Variants in KDM5A observed in about 807,000 individuals in gnomAD.
The protein encoded by KDM5A is lysine-specific demethylase 5A.
KDM5A carries 42 observed loss-of-function variants against 193.5 expected under a neutral mutation model. The ratio of observed to expected loss-of-function variants is 0.22; its 90% CI spans 0.17 to 0.28. The LOEUF (loss-of-function observed/expected upper bound fraction) is 0.28, where lower values mean the gene tolerates loss of function less well. Among genes scored for constraint, KDM5A ranks in the 10% least tolerant of loss-of-function variants. The probability of loss-of-function intolerance (pLI) is 1.00; values close to 1 mark genes in which losing one functional copy is unlikely to be tolerated. For synonymous variants in KDM5A, 796 were observed against 718.1 expected (o/e 1.11, Z -1.73); for missense variants, 1,692 against 2,055.1 (o/e 0.82, Z 3.42).
intron 3 of KDM5A, 73 bp from the exon 4 acceptor site, chr12:366,177 TA>T: frequency 7.5e-7 from 1 of 1,329,574 alleles, no homozygotes; most frequent in African/African-American, 1.5e-5. Context: ...TCTTGTCTAC[TA>T]AATAGAAAAA....
intron 10 of KDM5A, among the ~76,000 whole-genome samples, chr12:340,655 A>G (rs1286534712): frequency 7.4e-6 from 1 of 135,710 alleles, no homozygotes; most frequent in African/African-American, 2.9e-5. Flanking sequence ...AGATCGTGCC[A>G]CTGCACTCTA....
intron 5 of KDM5A, among the ~76,000 whole-genome samples, chr12:357,275 G>GA (rs1944238976): frequency 6.7e-6 from 1 of 150,334 alleles, no homozygotes; most frequent in African/African-American, 2.5e-5. Flanking sequence ...GCGAGACCCT[G>GA]AATCAATCCA....
intron 10 of KDM5A, among the ~76,000 whole-genome samples, chr12:340,510 A>G (rs1243235837): frequency 1.3e-5 from 2 of 152,074 alleles, no homozygotes; most frequent in Non-Finnish European, 2.9e-5. Context: ...CCTGGCCAAC[A>G]TGGTGAAACC....
At chr12:357,258 C>G (rs1192317866) in intron 5 of KDM5A, among the ~76,000 whole-genome samples, 1 of 151,164 alleles carries the variant, frequency 6.6e-6, no homozygotes. Context: ...CCCTGGGTGA[C>G]AGACAAGCGA....
intron 3 of KDM5A, among the ~76,000 whole-genome samples, chr12:373,380 A>T (rs1944457721): frequency 6.6e-6 from 1 of 151,822 alleles, no homozygotes; most frequent in African/African-American, 2.4e-5. Context: ...TTATTTGCAT[A>T]GAGGTGTTTA....
chr12:294,736 A>G (rs1351596387), intron 26 of KDM5A, among the ~76,000 whole-genome samples: 1 of 152,234 alleles, frequency 6.6e-6, no homozygotes, highest in African/African-American at 2.4e-5. Context: ...ATGAAAAGAA[A>G]AGAGTCAAAT....
In KDM5A at chr12:355,209, G is replaced by A. The variant is rs377672033; in HGVS notation, c.819C>T (p.Asp273=). 86 of 1,612,636 alleles carry A rather than the reference G, an allele frequency of 5.3e-5. No individual in the cohort carries two copies. Among genetic ancestry groups the A allele is most frequent in the South Asian group, 2.4e-4 (22 of 91,042 alleles). The change falls in exon 7 of 28, where the codon GAC becomes GAT. Residue 273 remains aspartate, a synonymous_variant. Coordinates refer to ENST00000399788, the MANE Select transcript of KDM5A (RefSeq NM_001042603.3). The part of the protein sequence containing the change: ...TRRRKVTNRS[D]AFNMQMRQRK... ...GTTGTCTCATTTGCATGTTAAATGC[G>A]TCTGACCTGTTGGTAACTTTTCGTC... is the stretch of plus-strand genomic sequence containing the variant.
intron 10 of KDM5A, 34 bp from the exon 11 acceptor site, chr12:334,456 C>T: frequency 1.3e-6 from 2 of 1,584,648 alleles, no homozygotes; most frequent in African/African-American, 2.7e-5. Context: ...AATGAAAGAT[C>T]AGAAATGAAA....
intron 24 of KDM5A, among the ~76,000 whole-genome samples, chr12:302,041 G>C (rs1255294446): frequency 6.6e-6 from 1 of 152,116 alleles, no homozygotes; most frequent in Non-Finnish European, 1.5e-5. Flanking sequence ...ACAAATGGAA[G>C]AACATTCCAT....
At chr12:302,862 GAACA>G (rs1418622830) in intron 24 of KDM5A, among the ~76,000 whole-genome samples, 1 of 152,182 alleles carries the variant, frequency 6.6e-6, no homozygotes, top group East Asian at 1.9e-4. Flanking sequence ...CGAAGAATAT[GAACA>G]GACACTTCTC....
At chr12:288,689 T>A (rs1007981568) in intron 27 of KDM5A, among the ~76,000 whole-genome samples, 8 of 152,234 alleles carry the variant, frequency 5.3e-5, no homozygotes, top group African/African-American at 1.9e-4. Context: ...ACCCCAAGTT[T>A]CCTAGCAAAA....
chr12:347,979 C>T (rs1944100042), intron 10 of KDM5A, among the ~76,000 whole-genome samples: 1 of 152,116 alleles, frequency 6.6e-6, no homozygotes. Flanking sequence ...AACAAGCAAC[C>T]TACAGAAGGG....
At chr12:305,396 G>C (rs763017251) in intron 24 of KDM5A, among the ~76,000 whole-genome samples, 3 of 152,102 alleles carry the variant, frequency 2.0e-5, no homozygotes, top group Non-Finnish European at 2.9e-5. Flanking sequence ...CCCAGCAGAG[G>C]AATCTACGAG....
At chr12:302,747 G>A (rs747494906) in intron 24 of KDM5A, among the ~76,000 whole-genome samples, 4 of 152,224 alleles carry the variant, frequency 2.6e-5, no homozygotes, top group Non-Finnish European at 5.9e-5. Flanking sequence ...TACGGAATGG[G>A]AGAAAATTTT....
rs778264909 is a variant in KDM5A at position 355,235 on chromosome 12, T to G, written c.793A>C (p.Arg265=). ...TCTGACCTGTTGGTAACTTTTCGTC[T>G]TCGGGTGACCTCATCTTGAAATAAA... ...TKDKEDEVTR[R]RKVTNRSDAF... Residue 265 remains arginine (R), a synonymous_variant, in exon 7 of 28, where the codon AGA becomes CGA. Transcript: ENST00000399788. The G allele has an allele frequency of 7.2e-5, 116 of 1,608,018 alleles. 1 individual carries two copies. Among genetic ancestry groups the G allele is most frequent in the Non-Finnish European group, 1.5e-5 (18 of 1,174,516 alleles).
chr12:371,536 T>G (rs1233893389), intron 3 of KDM5A, among the ~76,000 whole-genome samples: 3 of 152,172 alleles, frequency 2.0e-5, no homozygotes, highest in Non-Finnish European at 4.4e-5. Flanking sequence ...CTGCAAAAAT[T>G]TTCTCCCCTT....
At position 389,159 on chromosome 12, in the gene KDM5A, T is replaced by C. The variant is rs756114991; in HGVS notation, c.-68A>G. The C allele has an allele frequency of 6.8e-7, 1 of 1,462,690 alleles. No homozygotes were observed. The highest frequency in any genetic ancestry group is 1.1e-5 in the South Asian group (1 of 88,276). 90.6% of individuals were successfully genotyped at this position (1,462,690 alleles called of 1,614,324 possible). A position where few individuals can be genotyped will look rare whatever the true frequency, so the allele number is the denominator to read the frequency against. On this transcript the variant is annotated 5_prime_UTR_variant, in exon 1 of 28. Transcript: ENST00000399788. ...TGGAGAAAAGCTGGCTGAAGCCCACTAAGCCCGTTCAAGTCCCCTGACAGA... is the reference window on the plus strand; with the variant it reads ...TGGAGAAAAGCTGGCTGAAGCCCACCAAGCCCGTTCAAGTCCCCTGACAGA...
At chr12:317,581 C>T (rs770654992) in intron 19 of KDM5A, among the ~76,000 whole-genome samples, 6 of 152,316 alleles carry the variant, frequency 3.9e-5, no homozygotes, top group Non-Finnish European at 7.4e-5. Flanking sequence ...ATATTTGAAA[C>T]GGTCTACATG....
intron 1 of KDM5A, chr12:388,434 C>T (rs1273935675): frequency 7.5e-6 from 3 of 401,120 alleles, no homozygotes; most frequent in African/African-American, 2.1e-5. Flanking sequence ...GACTTTTTCA[C>T]TGCGGCAATA....
Sources: allele counts gnomAD v4.1 joint callset (sites outside exome capture counted in the v4.1 genomes callset), GRCh38; gene constraint gnomAD v4.1.1; transcripts MANE v1.5; gene names NCBI Gene and HGNC (gene_info 2026-07-23, HGNC 2026-07-21).